The following DZIP1 variants were observed in gnomAD, a reference collection of about 807,000 sequenced individuals.
DZIP1 encodes the protein DAZ interacting zinc finger protein 1, also known as cilium assembly protein DZIP1.
A neutral mutation model predicts 107.6 loss-of-function variants in DZIP1; 97 were observed. The observed-to-expected ratio is 0.90, with a 90% CI of 0.77 to 1.07. DZIP1 has a LOEUF of 1.07. Ranked by LOEUF, DZIP1 falls within the 50% of genes least tolerant of loss-of-function variation. The pLI is 0.00. For synonymous variants in DZIP1, 390 were observed against 386.4 expected (o/e 1.01, Z -0.11); for missense variants, 1,035 against 1,063.6 (o/e 0.97, Z 0.37).
At chr13:95,632,045 G>A (rs1015302883) in intron 6 of DZIP1, among the ~76,000 whole-genome samples, 2 of 152,126 alleles carry the variant, frequency 1.3e-5, no homozygotes, top group Non-Finnish European at 2.9e-5. Flanking sequence ...ACACTCCCCA[G>A]GTTTCCCTCC....
intron 8 of DZIP1, among the ~76,000 whole-genome samples, chr13:95,622,856 C>G (rs989281894): frequency 2.0e-5 from 3 of 151,834 alleles, no homozygotes; most frequent in African/African-American, 7.3e-5. Flanking sequence ...AATCCTTCCA[C>G]CTCAGCCTCC....
chr13:95,609,559 G>A (rs1184993651), intron 12 of DZIP1, 46 bp from the exon 13 acceptor site: 2 of 1,470,808 alleles, frequency 1.4e-6, no homozygotes, highest in African/African-American at 1.4e-5. Flanking sequence ...CACAAGCTAT[G>A]GATTAAATTT....
intron 5 of DZIP1, among the ~76,000 whole-genome samples, chr13:95,635,417 G>A (rs1244577850): frequency 2.6e-5 from 4 of 151,964 alleles, no homozygotes; most frequent in Admixed American, 6.6e-5. Flanking sequence ...GGCTGGGCAC[G>A]AACTCTCAAC....
chr13:95,630,577 T>C, intron 6 of DZIP1: 1 of 449,236 alleles, frequency 2.2e-6, no homozygotes, highest in Non-Finnish European at 3.5e-6. Flanking sequence ...TCAGTGCTAA[T>C]ACAAGCAGAG....
Position 95,628,289 on chromosome 13 carries a change from C to A in DZIP1, c.810+1700G>T, listed in dbSNP as rs575662397. Among the ~76,000 whole-genome samples the A allele has an allele frequency of 1.6e-4, 25 of 152,272 alleles. 1 individual carries two copies. Among genetic ancestry groups the A allele is most frequent in the Non-Finnish European group, 3.2e-4 (22 of 68,018 alleles). ...AACTCCTGGGCTCGAGCAATCCTCC[C>A]ATCTTGGCCTCCCAAAATACTGGGA... On this transcript the variant is annotated intron_variant, in intron 7 of 22. Coordinates refer to ENST00000376829, the MANE Select transcript of DZIP1 (RefSeq NM_198968.4).
Position 95,581,746 on chromosome 13 carries a change from A to G in DZIP1, c.*488T>C, listed in dbSNP as rs1366963416. 1 of 152,498 alleles carries G rather than the reference A, an allele frequency of 6.6e-6. No homozygotes were observed. The highest frequency in any genetic ancestry group is 1.5e-5 in the Non-Finnish European group (1 of 68,260). The allele number at this position is 152,498 out of a possible 1,614,324, so 9.4% of individuals were successfully genotyped here. Reference sequence around the variant, plus strand: ...TTAAACTTACTTCTATATGAAAAATAACCAGACTAACTTTTAAGGATTAGT... The same window carrying G: ...TTAAACTTACTTCTATATGAAAAATGACCAGACTAACTTTTAAGGATTAGT... On this transcript the variant is annotated 3_prime_UTR_variant, in exon 23 of 23. Transcript: ENST00000376829.
At chr13:95,620,515 C>T (rs190254511) in intron 9 of DZIP1, among the ~76,000 whole-genome samples, 1 of 152,190 alleles carries the variant, frequency 6.6e-6, no homozygotes, top group African/African-American at 2.4e-5. Flanking sequence ...AGGCAGGGGT[C>T]AGGAAAAATT....
At position 95,641,376 on chromosome 13, in the gene DZIP1, C is replaced by G. The variant is rs775076919; in HGVS notation, c.516G>C (p.Thr172=). The G allele has an allele frequency of 6.2e-7, 1 of 1,613,998 alleles. No individual in the cohort carries two copies. Among genetic ancestry groups the G allele is most frequent in the East Asian group, 2.2e-5 (1 of 44,872 alleles). ...LLTKQAGEIK[T]LKEECKRRKK... ...TCCGGCGTTTGCACTCTTCCTTGAG[C>G]GTCTTGATCTCCCCCGCCTGCTTGG... The change falls in exon 5 of 23, where the codon ACG becomes ACC. Residue 172 remains threonine, a synonymous_variant. Transcript: ENST00000376829. The surrounding 1 kb of genome is among the most constrained non-coding windows in gnomAD (Gnocchi z 4.3).
At chr13:95,585,612 C>G (rs1484318224) in intron 21 of DZIP1, among the ~76,000 whole-genome samples, 1 of 152,158 alleles carries the variant, frequency 6.6e-6, no homozygotes, top group Non-Finnish European at 1.5e-5. Flanking sequence ...TTGGCCTCCA[C>G]CCTCACTTCG....
rs567710528 is a variant in DZIP1 at position 95,642,177 on chromosome 13, G to T, written c.-148C>A. On this transcript the variant is annotated 5_prime_UTR_variant, in exon 4 of 23. Transcript: ENST00000376829. ...GCGTCCAGGACGTTGCTATAGCAGC[G>T]CCCAGGTCCGGACCTGGAGCAAAGG... The T allele has an allele frequency of 3.1e-5, 34 of 1,082,316 alleles. No homozygotes were observed. In the South Asian group the frequency reaches 6.1e-4, roughly 20 times the overall value. The allele number at this position is 1,082,316 out of a possible 1,614,324, so 67.0% of individuals were successfully genotyped here. A position where few individuals can be genotyped will look rare whatever the true frequency, so the allele number is the denominator to read the frequency against.
chr13:95,592,123 T>C (rs981346861), intron 16 of DZIP1, among the ~76,000 whole-genome samples: 6 of 152,154 alleles, frequency 3.9e-5, no homozygotes, highest in Admixed American at 2.6e-4. Context: ...ACAAATGATA[T>C]TGGGACACCT....
At chr13:95,590,147 A>G in intron 17 of DZIP1, 132 bp downstream of exon 17, 1 of 1,072,728 alleles carries the variant, frequency 9.3e-7, no homozygotes, top group Non-Finnish European at 1.3e-6. Context: ...AAGAGTTGCC[A>G]GTGAAGTGGC....
In DZIP1 at chr13:95,641,338, G is replaced by A; in HGVS notation, c.554C>T (p.Ser185Phe). 2.5e-6 allele frequency: 4 copies of A among 1,609,138 alleles called. No individual in the cohort carries two copies. Among genetic ancestry groups the A allele is most frequent in the Non-Finnish European group, 3.4e-6 (4 of 1,176,008 alleles). Residue 185 changes from serine (S) to phenylalanine (F), a missense_variant, in exon 5 of 23, where the codon TCC (serine) becomes TTC (phenylalanine). Coordinates refer to ENST00000376829, the MANE Select transcript of DZIP1 (RefSeq NM_198968.4). This position sits in a 1 kb window ranked among gnomAD's most constrained non-coding sequence, Gnocchi z 4.3. ...GGCCTCGATCATCAGCTGCTGGGTG[G>A]AGATCATCTTCTTCCGGCGTTTGCA... is the stretch of plus-strand genomic sequence containing the variant. ...EECKRRKKMI[S>F]TQQLMIEAKA...
chr13:95,630,734 G>C, intron 6 of DZIP1: 7 of 1,274,748 alleles, frequency 5.5e-6, no homozygotes, highest in Non-Finnish European at 7.1e-6. Context: ...ACACATGACT[G>C]AATGGATGTA....
chr13:95,614,849 T>C (rs1313289446), intron 10 of DZIP1, among the ~76,000 whole-genome samples: 1 of 152,140 alleles, frequency 6.6e-6, no homozygotes, highest in Admixed American at 6.6e-5. Context: ...CAAAAAAAAT[T>C]GCCAAGAATC....
intron 19 of DZIP1, 52 bp downstream of exon 19, chr13:95,589,102 G>T: frequency 7.1e-7 from 1 of 1,411,372 alleles, no homozygotes; most frequent in East Asian, 2.3e-5. Context: ...TGAAAGGAAT[G>T]TTCAGTGAAA....
chr13:95,592,362 T>C (rs2044331754), intron 16 of DZIP1, among the ~76,000 whole-genome samples: 1 of 152,154 alleles, frequency 6.6e-6, no homozygotes, highest in Non-Finnish European at 1.5e-5. Context: ...TATGGAAAAC[T>C]ACAATTTTAA....
chr13:95,605,947 A>C, intron 14 of DZIP1, 56 bp downstream of exon 14: 1 of 1,549,204 alleles, frequency 6.5e-7, no homozygotes, highest in Non-Finnish European at 8.9e-7. Flanking sequence ...TTAATAAGTT[A>C]TCCAACTCAG....
chr13:95,606,343 C>T (rs571829220), intron 13 of DZIP1, among the ~76,000 whole-genome samples: 1 of 150,986 alleles, frequency 6.6e-6, no homozygotes, highest in Non-Finnish European at 1.5e-5. Flanking sequence ...ACATTTGCTT[C>T]ATCACCTCCC....
Sources: gnomAD v4.1 joint callset for allele counts (sites outside exome capture counted in the v4.1 genomes callset) on GRCh38, gnomAD v4.1.1 for gene constraint, Gnocchi (gnomAD v3.1) non-coding constraint, MANE v1.5 for transcripts, NCBI Gene and HGNC (gene_info 2026-07-23, HGNC 2026-07-21) for gene names.